The following SPTBN4 variants were observed in gnomAD, a reference collection of about 807,000 sequenced individuals.
SPTBN4 encodes the protein spectrin beta, non-erythrocytic 4.
SPTBN4 carries 96 observed loss-of-function variants against 277.8 expected under a neutral mutation model. The observed-to-expected ratio is 0.35, with a 90% CI of 0.29 to 0.41. The LOEUF (loss-of-function observed/expected upper bound fraction) is 0.41, where lower values mean the gene tolerates loss of function less well. Ranked by LOEUF, SPTBN4 falls within the 10% of genes least tolerant of loss-of-function variation. The pLI is 1.00. For missense variants in SPTBN4, 3,006 were observed against 3,595.7 expected (o/e 0.84, Z 4.19); for synonymous variants, 1,481 against 1,580.3 (o/e 0.94, Z 1.49).
chr19:40,538,047 A>T (rs1048415350), intron 20 of SPTBN4, among the ~76,000 whole-genome samples: 1 of 152,192 alleles, frequency 6.6e-6, no homozygotes, highest in African/African-American at 2.4e-5. Flanking sequence ...AGTTATTGGA[A>T]CTTGGAAGGG....
intron 17 of SPTBN4, among the ~76,000 whole-genome samples, 175 bp downstream of exon 17, chr19:40,523,814 T>G (rs550739037): frequency 2.0e-5 from 3 of 152,296 alleles, no homozygotes; most frequent in Non-Finnish European, 2.9e-5. Context: ...AAGTGGATTT[T>G]TTTTTTTGAG....
At chr19:40,495,653 C>T (rs2080188348) in intron 6 of SPTBN4, among the ~76,000 whole-genome samples, 1 of 151,694 alleles carries the variant, frequency 6.6e-6, no homozygotes, top group Admixed American at 6.6e-5. Flanking sequence ...ACCCCTAACC[C>T]CCCCACCACC....
intron 33 of SPTBN4, among the ~76,000 whole-genome samples, chr19:40,571,353 G>A (rs929811467): frequency 5.9e-5 from 9 of 152,182 alleles, no homozygotes; most frequent in African/African-American, 2.2e-4. Flanking sequence ...TGAGGGTCTA[G>A]CCATGATGTG....
Position 40,566,200 on chromosome 19 carries a change from G to A in SPTBN4, c.6177G>A (p.Val2059=). ...ACCAGTTTGCCCAGGAGGCGGTGGT[G>A]GCTGATGCCTGGCTGACAGCCCAGG... The part of the protein sequence containing the change: ...EVHQFAQEAV[V]ADAWLTAQEP... The change falls in exon 30 of 36, where the codon GTG becomes GTA. Residue 2059 remains valine (V), a synonymous_variant. Coordinates refer to ENST00000598249, the MANE Select transcript of SPTBN4 (RefSeq NM_020971.3). The A allele has an allele frequency of 6.5e-7, 1 of 1,545,708 alleles. No individual in the cohort carries two copies. Among genetic ancestry groups the A allele is most frequent in the Non-Finnish European group, 8.7e-7 (1 of 1,143,526 alleles).
chr19:40,521,075 C>G (rs1487323918), intron 16 of SPTBN4, among the ~76,000 whole-genome samples: 1 of 152,172 alleles, frequency 6.6e-6, no homozygotes, highest in Non-Finnish European at 1.5e-5. Context: ...CAGGCGCGAG[C>G]CACCATGACC....
At chr19:40,532,055 G>T (rs2080681253) in intron 18 of SPTBN4, among the ~76,000 whole-genome samples, 1 of 151,706 alleles carries the variant, frequency 6.6e-6, no homozygotes. Context: ...TTTAGAGAGA[G>T]CTAGAGTTGG....
chr19:40,469,128 C>T (rs1038016978), intron 1 of SPTBN4, among the ~76,000 whole-genome samples: 2 of 151,994 alleles, frequency 1.3e-5, no homozygotes, highest in Non-Finnish European at 2.9e-5. Flanking sequence ...CAATGTGTCC[C>T]CCTAAGGGAC....
rs766117476 is a variant in SPTBN4, at chr19:40,557,234, G to A, written c.5501G>A (p.Arg1834Gln). ...CGGGCCCAGCTGCTGGCCGCCTCTC[G>A]GGAGCTTCATAAGTTCTTCAGTGAC... ...GTRAQLLAAS[R>Q]ELHKFFSDAR... The change falls in exon 26 of 36, where the codon CGG (arginine) becomes CAG (glutamine). Residue 1834 changes from arginine to glutamine, a missense_variant. Physicochemically the swap from Arg to Gln is conservative, Grantham distance 43. This residue lies in a region of SPTBN4 where 425 missense variants were observed against 594.7 expected (regional missense o/e 0.71). Transcript: ENST00000598249. The A allele has an allele frequency of 1.9e-5, 31 of 1,612,354 alleles. No individual in the cohort carries two copies. Among genetic ancestry groups the A allele is most frequent in the Middle Eastern group, 1.6e-4 (1 of 6,076 alleles).
chr19:40,474,107 G>A (rs892065879), intron 2 of SPTBN4, among the ~76,000 whole-genome samples: 5 of 130,732 alleles, frequency 3.8e-5, no homozygotes, highest in Non-Finnish European at 6.2e-5. Context: ...AGTCAAGATC[G>A]CGCCACTGCA....
intron 13 of SPTBN4, among the ~76,000 whole-genome samples, chr19:40,512,377 A>C (rs2080400251): frequency 6.6e-6 from 1 of 152,212 alleles, no homozygotes; most frequent in African/African-American, 2.4e-5. Context: ...CAAGGCAATG[A>C]CAACACAGAG....
intron 32 of SPTBN4, 62 bp from the exon 33 acceptor site, chr19:40,570,373 CA>C (rs1225776929): frequency 1.6e-6 from 2 of 1,265,540 alleles, no homozygotes; most frequent in Non-Finnish European, 2.1e-6. Context: ...ATGACTCCCC[CA>C]AACAGATGAC....
chr19:40,516,750 G>T (rs1454140616), intron 15 of SPTBN4, among the ~76,000 whole-genome samples: 7 of 152,074 alleles, frequency 4.6e-5, no homozygotes, highest in Non-Finnish European at 8.8e-5. Flanking sequence ...CTTGAACCCG[G>T]GAGGCAGAGG....
intron 31 of SPTBN4, 114 bp from the exon 32 acceptor site, chr19:40,569,542 TG>T: frequency 2.0e-6 from 2 of 992,850 alleles, no homozygotes; most frequent in Non-Finnish European, 3.0e-6. Context: ...GCTGCAGAAG[TG>T]GGCAGGGGCC....
chr19:40,534,293 G>T lies in SPTBN4; in HGVS notation c.4309G>T (p.Asp1437Tyr). ...LHMESQLQDV[D>Y]PGGDLATVNS... ...CATGGAGAGCCAGCTGCAAGACGTG[G>T]ACCCTGGAGGAGACCTGGCCACTGT... is the stretch of plus-strand genomic sequence containing the variant. The change falls in exon 20 of 36, where the codon GAC (aspartate) becomes TAC (tyrosine). Residue 1437 changes from aspartate to tyrosine, a missense_variant. Around this residue, in one of 5 missense-constraint regions of SPTBN4, gnomAD observed 1,759 missense variants for 2,061.5 expected, o/e 0.85. Transcript: ENST00000598249. 1 of 1,614,024 alleles carries T rather than the reference G, an allele frequency of 6.2e-7. No homozygotes were observed. The highest frequency in any genetic ancestry group is 1.1e-5 in the South Asian group (1 of 91,078).
intron 15 of SPTBN4, among the ~76,000 whole-genome samples, chr19:40,517,513 C>G (rs758615086): frequency 6.6e-6 from 1 of 152,056 alleles, no homozygotes; most frequent in Non-Finnish European, 1.5e-5. Context: ...CCAGACTGGT[C>G]TCGAACTCCT....
chr19:40,490,009 G>C lies in SPTBN4; in HGVS notation c.322-66G>C, dbSNP rs1436143119. On this transcript the variant is annotated intron_variant, in intron 3 of 35. Transcript: ENST00000598249. This position sits in a 1 kb window ranked among gnomAD's most constrained non-coding sequence, Gnocchi z 4.3. ...GGAGGCGGGCTTCTTTGGAAGCTGCGGGGCCGAGGGCGCCATACTCCTGTC... is the reference window on the plus strand; with the variant it reads ...GGAGGCGGGCTTCTTTGGAAGCTGCCGGGCCGAGGGCGCCATACTCCTGTC... The C allele has an allele frequency of 6.8e-7, 1 of 1,465,580 alleles. No individual in the cohort carries two copies. The highest frequency in any genetic ancestry group is 2.5e-5 in the East Asian group (1 of 39,782). The allele number at this position is 1,465,580 out of a possible 1,614,324, so 90.8% of individuals were successfully genotyped here. A position where few individuals can be genotyped will look rare whatever the true frequency, so the allele number is the denominator to read the frequency against.
chr19:40,467,941 G>A (rs2079844888), intron 1 of SPTBN4, among the ~76,000 whole-genome samples: 1 of 152,190 alleles, frequency 6.6e-6, no homozygotes, highest in Admixed American at 6.6e-5. Flanking sequence ...AAATCGATTT[G>A]CTGAGATGTG....
At position 40,474,151 on chromosome 19, in the gene SPTBN4, C is replaced by CA. The variant is rs71173641; in HGVS notation, c.169+1389dup. Among the ~76,000 whole-genome samples, 320 of 34,464 alleles carry CA rather than the reference C, an allele frequency of 9.3e-3. 13 individuals carry two copies. Among genetic ancestry groups the CA allele is most frequent in the African/African-American group, 0.027 (204 of 7,612 alleles). 22.6% of individuals were successfully genotyped at this position (34,464 alleles called of 152,430 possible). A position where few individuals can be genotyped will look rare whatever the true frequency, so the allele number is the denominator to read the frequency against. On this transcript the variant is annotated intron_variant, in intron 2 of 35. Coordinates refer to ENST00000598249, the MANE Select transcript of SPTBN4 (RefSeq NM_020971.3). ...CCAGCAGTAAAGCAAGAACCTATCT[C>CA]AAAAAAAAAAAAAAAAAAAAAAAAA...
chr19:40,470,451 C>G (rs761818848), intron 1 of SPTBN4, among the ~76,000 whole-genome samples: 3 of 151,096 alleles, frequency 2.0e-5, no homozygotes, highest in Non-Finnish European at 4.4e-5. Context: ...GGATTGCAGG[C>G]ATGCACTACC....
Sources: allele counts gnomAD v4.1 joint callset (sites outside exome capture counted in the v4.1 genomes callset), GRCh38; gene constraint gnomAD v4.1.1; regional missense constraint gnomAD v4.1.1; non-coding constraint Gnocchi (gnomAD v3.1); transcripts MANE v1.5; gene names NCBI Gene and HGNC (gene_info 2026-07-23, HGNC 2026-07-21).